Variants in SEMA3G observed in about 807,000 individuals in gnomAD.
SEMA3G encodes the protein semaphorin 3G, also known as semaphorin-3G.
In SEMA3G, 70 loss-of-function variants were observed where a neutral mutation model predicts 86.2. The ratio of observed to expected loss-of-function variants is 0.81; its 90% CI spans 0.67 to 0.99. The LOEUF is 0.99. Among genes scored for constraint, SEMA3G ranks in the 50% least tolerant of loss-of-function variants. SEMA3G has a pLI of 0.00. For synonymous variants in SEMA3G, 416 were observed against 441.4 expected (o/e 0.94, Z 0.72); for missense variants, 1,002 against 1,072.4 (o/e 0.93, Z 0.92).
intron 13 of SEMA3G, 70 bp from the exon 14 acceptor site, chr3:52,438,269 C>A: frequency 6.8e-7 from 1 of 1,473,306 alleles, no homozygotes; most frequent in East Asian, 2.4e-5. Context: ...GCTCTCAGCC[C>A]CTCAGCTTCC....
At chr3:52,439,357 C>T (rs139974814) in intron 12 of SEMA3G, among the ~76,000 whole-genome samples, 3 of 152,202 alleles carry the variant, frequency 2.0e-5, no homozygotes, top group Non-Finnish European at 4.4e-5. Flanking sequence ...TCAACCATCT[C>T]CTCCTTGCAA....
chr3:52,441,430 T>C, intron 6 of SEMA3G, 21 bp from the exon 7 acceptor site: 1 of 1,611,362 alleles, frequency 6.2e-7, no homozygotes, highest in South Asian at 1.1e-5. Flanking sequence ...GACAGGGTCA[T>C]GCTGGGTGGA....
At position 52,436,141 on chromosome 3, in the gene SEMA3G, A is replaced by T. The variant is rs111410797; in HGVS notation, c.1879-68T>A. On this transcript the variant is annotated intron_variant, in intron 15 of 15. Coordinates refer to ENST00000231721, the MANE Select transcript of SEMA3G (RefSeq NM_020163.3). The stretch of plus-strand genomic sequence containing the variant: ...AGTTTACCATCGGCTTCTCTGCCCC[A>T]GCTTTTCTGCCATCCTTGGGGCCCA... The T allele has an allele frequency of 3.4e-5, 51 of 1,499,524 alleles. 2 individuals are homozygous for T. Among genetic ancestry groups the T allele is most frequent in the African/African-American group, 3.2e-4 (23 of 72,216 alleles). 92.9% of individuals were successfully genotyped at this position (1,499,524 alleles called of 1,614,324 possible). A position where few individuals can be genotyped will look rare whatever the true frequency, so the allele number is the denominator to read the frequency against.
chr3:52,436,662 A>G (rs990155963), intron 15 of SEMA3G, among the ~76,000 whole-genome samples: 4 of 152,214 alleles, frequency 2.6e-5, no homozygotes, highest in Admixed American at 2.6e-4. Flanking sequence ...CGCCCATCAC[A>G]GCGTGGGAAG....
rs767988634 is a variant in SEMA3G, at chr3:52,437,612, C to A, written c.1793G>T (p.Ser598Ile). The A allele has an allele frequency of 8.1e-6, 13 of 1,613,034 alleles. No individual in the cohort carries two copies. The highest frequency in any genetic ancestry group is 1.3e-5 in the African/African-American group (1 of 74,914). Residue 598 changes from serine to isoleucine, a missense_variant, in exon 15 of 16, where the codon AGC (serine) becomes ATC (isoleucine). Physicochemically the swap from Ser to Ile is moderately radical, Grantham distance 142. Transcript: ENST00000231721. Reference sequence around the variant, plus strand: ...CTTGGGCAGGCACTCCAGGAAGGTGCTATTGTGCTCCGTGCCGTAGACCAT... The same window carrying A: ...CTTGGGCAGGCACTCCAGGAAGGTGATATTGTGCTCCGTGCCGTAGACCAT... ...ATMVYGTEHN[S>I]TFLECLPKSP...
In SEMA3G at chr3:52,435,806, A is replaced by G. The variant is rs1325700460; in HGVS notation, c.2146T>C (p.Phe716Leu). The G allele has an allele frequency of 1.2e-6, 2 of 1,614,038 alleles. No homozygotes were observed. Among genetic ancestry groups the G allele is most frequent in the African/African-American group, 2.7e-5 (2 of 74,928 alleles). ...WYKDILQLIG[F>L]ANLPRVDEYC... The stretch of plus-strand genomic sequence containing the variant: ...TCATCCACCCGGGGCAGGTTGGCGA[A>G]GCCAATGAGCTGCAGGATGTCCTTG... Residue 716 changes from phenylalanine (F) to leucine (L), a missense_variant, in exon 16 of 16, where the codon TTC becomes CTC. By Grantham distance (22) the Phe-to-Leu change is conservative (BLOSUM62 0). Transcript: ENST00000231721.
rs1706072519 is a variant in SEMA3G, at chr3:52,437,747, G to A, written c.1739-81C>T. On this transcript the variant is annotated intron_variant, in intron 14 of 15. Transcript: ENST00000231721. ...GCCACCACCTGACACCACAGCTCAG[G>A]AGCCCCACTAGTATGACAAGAACTT... 5.4e-6 allele frequency: 8 copies of A among 1,484,122 alleles called. No individual in the cohort carries two copies. In the African/African-American group the frequency reaches 5.5e-5, roughly 10 times the overall value. The allele number at this position is 1,484,122 out of a possible 1,614,324, so 91.9% of individuals were successfully genotyped here.
At chr3:52,443,860 A>C (rs982356053) in intron 1 of SEMA3G, among the ~76,000 whole-genome samples, 4 of 152,128 alleles carry the variant, frequency 2.6e-5, no homozygotes, top group Non-Finnish European at 5.9e-5. Flanking sequence ...TGGGCTTCCC[A>C]GGGGAAGGTG....
In SEMA3G at chr3:52,440,379, C is replaced by A; in HGVS notation, c.1141G>T (p.Val381Leu). The stretch of plus-strand genomic sequence containing the variant: ...GCCTGGCCCCAGCAGATACTCACCA[C>A]GCCAGGGCGAGGGAAGGGCACCTTG... ...GGKVPFPRPG[V>L]CPSKMTAQPG... Residue 381 changes from valine (V) to leucine (L), a missense_variant and splice_region_variant, in exon 10 of 16, where the codon GTG becomes TTG. Physicochemically the swap from Val to Leu is conservative, Grantham distance 32. Transcript: ENST00000231721. The A allele has an allele frequency of 6.2e-7, 1 of 1,600,926 alleles. No individual in the cohort carries two copies. The highest frequency in any genetic ancestry group is 8.5e-7 in the Non-Finnish European group (1 of 1,175,148).
Position 52,437,508 on chromosome 3 carries a change from CA to C in SEMA3G, c.1878+18del. On this transcript the variant is annotated intron_variant, in intron 15 of 15. Transcript: ENST00000231721. The stretch of plus-strand genomic sequence containing the variant: ...CCTCAGGACACACAGAGGCTAGAGG[CA>C]GGGGTCTCCTCACTCACCTGGTCAG... 2 of 1,605,416 alleles carry C rather than the reference CA, an allele frequency of 1.2e-6. No homozygotes were observed. Among genetic ancestry groups the C allele is most frequent in the African/African-American group, 1.3e-5 (1 of 74,906 alleles).
rs779282325 is a variant in SEMA3G at position 52,442,802 on chromosome 3, C to T, written c.221G>A (p.Gly74Asp). 6.2e-7 allele frequency: 1 copy of T among 1,613,976 alleles called. No individual in the cohort carries two copies. The highest frequency in any genetic ancestry group is 8.5e-7 in the Non-Finnish European group (1 of 1,179,954). Reference sequence around the variant, plus strand: ...CCGCAGAGAGTAGAGGGCGTCCAGGCCACCCAGAAAGAGGCGGTCTCGGTA... The same window carrying T: ...CCGCAGAGAGTAGAGGGCGTCCAGGTCACCCAGAAAGAGGCGGTCTCGGTA... ...DEYRDRLFLGGLDALYSLRLD... is the reference protein window; with the variant it reads ...DEYRDRLFLGDLDALYSLRLD... The change falls in exon 2 of 16, where the codon GGC becomes GAC. Residue 74 changes from glycine to aspartate, a missense_variant. Physicochemically the swap from Gly to Asp is moderately conservative, Grantham distance 94. Coordinates refer to ENST00000231721, the MANE Select transcript of SEMA3G (RefSeq NM_020163.3). This position sits in a 1 kb window ranked among gnomAD's most constrained non-coding sequence, Gnocchi z 6.1.
intron 10 of SEMA3G, 49 bp from the exon 11 acceptor site, chr3:52,440,147 C>A: frequency 7.0e-7 from 1 of 1,424,540 alleles, no homozygotes; most frequent in Non-Finnish European, 9.5e-7. Context: ...AGACAGCACA[C>A]ACCCTCCACC....
chr3:52,440,245 G>T, intron 10 of SEMA3G, 132 bp downstream of exon 10: 1 of 1,080,584 alleles, frequency 9.3e-7, no homozygotes, highest in East Asian at 2.6e-5. Context: ...CCCCACCCAG[G>T]CCCTCTGGAG....
chr3:52,442,697 G>A lies in SEMA3G; in HGVS notation c.276+50C>T, dbSNP rs1706182155. The A allele has an allele frequency of 3.7e-6, 6 of 1,613,750 alleles. No individual in the cohort carries two copies. The highest frequency in any genetic ancestry group is 5.1e-6 in the Non-Finnish European group (6 of 1,179,756). On this transcript the variant is annotated intron_variant, in intron 2 of 15. Transcript: ENST00000231721. The surrounding 1 kb of genome is among the most constrained non-coding windows in gnomAD (Gnocchi z 6.1). ...AGTTTCCCCATCTGGCCTCCCATCTGGAGGTGCCCAGTTCTCAAACAGACC... is the reference window on the plus strand; with the variant it reads ...AGTTTCCCCATCTGGCCTCCCATCTAGAGGTGCCCAGTTCTCAAACAGACC...
At position 52,435,620 on chromosome 3, in the gene SEMA3G, C is replaced by G; in HGVS notation, c.2332G>C (p.Glu778Gln). ...GCCCCCTTCTACGTGGCCTCCACCT[C>G]CCGGGGCGTCCGATTGTGCTCGGCA... The part of the protein sequence containing the change: ...VHAEHNRTPR[E>Q]VEAT The change falls in exon 16 of 16, where the codon GAG (glutamate) becomes CAG (glutamine). Residue 778 changes from glutamate to glutamine, a missense_variant. By Grantham distance (29) the Glu-to-Gln change is conservative. Coordinates refer to ENST00000231721, the MANE Select transcript of SEMA3G (RefSeq NM_020163.3). The G allele has an allele frequency of 2.5e-6, 4 of 1,612,654 alleles. No individual in the cohort carries two copies. The highest frequency in any genetic ancestry group is 3.4e-6 in the Non-Finnish European group (4 of 1,179,164).
At chr3:52,438,368 C>T (rs755056391) in intron 13 of SEMA3G, 169 bp from the exon 14 acceptor site, 369 of 955,582 alleles carry the variant, frequency 3.9e-4, no homozygotes, top group Non-Finnish European at 4.5e-4. Flanking sequence ...CTGCTGCATA[C>T]CAGATTCTGT....
At position 52,435,678 on chromosome 3, in the gene SEMA3G, C is replaced by A; in HGVS notation, c.2274G>T (p.Leu758=). ...KQARGKSWAG[L]ELGKKMKSRV... Reference sequence around the variant, plus strand: ...GGCTCTTCATCTTCTTGCCTAGCTCCAGCCCTGCCCAGCTCTTGCCCCTGG... The same window carrying A: ...GGCTCTTCATCTTCTTGCCTAGCTCAAGCCCTGCCCAGCTCTTGCCCCTGG... The change falls in exon 16 of 16, where the codon CTG becomes CTT. Residue 758 remains leucine, a synonymous_variant. Transcript: ENST00000231721. The A allele has an allele frequency of 6.2e-7, 1 of 1,614,090 alleles. No homozygotes were observed. The highest frequency in any genetic ancestry group is 8.5e-7 in the Non-Finnish European group (1 of 1,180,000).
At position 52,440,118 on chromosome 3, in the gene SEMA3G, G is replaced by A. The variant is rs199559818; in HGVS notation, c.1144-20C>T. 391 of 1,547,044 alleles carry A rather than the reference G, an allele frequency of 2.5e-4. 1 individual carries two copies. The African/African-American group carries it at 4.3e-3, about 17-fold the overall frequency. ...GGGGCACTGTGGGCAGCAGGGAAGG[G>A]AGTGCCTGAAGTATCCTGAGACAGC... On this transcript the variant is annotated intron_variant, in intron 10 of 15. Coordinates refer to ENST00000231721, the MANE Select transcript of SEMA3G (RefSeq NM_020163.3).
At position 52,440,956 on chromosome 3, in the gene SEMA3G, G is replaced by T; in HGVS notation, c.906C>A (p.Ala302=). 1 of 1,606,478 alleles carries T rather than the reference G, an allele frequency of 6.2e-7. No individual in the cohort carries two copies. Among genetic ancestry groups the T allele is most frequent in the Non-Finnish European group, 8.5e-7 (1 of 1,178,272 alleles). ...CACCTAGCTGGTCAAAGTGGGTCTCGGCACCACCAGGGCCGGGCACCGAGC... is the reference window on the plus strand; with the variant it reads ...CACCTAGCTGGTCAAAGTGGGTCTCTGCACCACCAGGGCCGGGCACCGAGC... The part of the protein sequence containing the change: ...LVCSVPGPGG[A]ETHFDQLEDV... The change falls in exon 8 of 16, where the codon GCC becomes GCA. Residue 302 remains alanine, a synonymous_variant. Transcript: ENST00000231721.
Sources: gnomAD v4.1 joint callset for allele counts (sites outside exome capture counted in the v4.1 genomes callset) on GRCh38, gnomAD v4.1.1 for gene constraint, Gnocchi (gnomAD v3.1) non-coding constraint, MANE v1.5 for transcripts, NCBI Gene and HGNC (gene_info 2026-07-23, HGNC 2026-07-21) for gene names.